The following RGL1 variants were observed in gnomAD, a reference collection of about 807,000 sequenced individuals.
The protein encoded by RGL1 is ral guanine nucleotide dissociation stimulator like 1, also known as ral guanine nucleotide dissociation stimulator-like 1.
RGL1 carries 24 observed loss-of-function variants against 95.2 expected under a neutral mutation model. The observed-to-expected ratio is 0.25, with a 90% confidence interval of 0.18 to 0.35. The LOEUF (loss-of-function observed/expected upper bound fraction) is 0.35. RGL1 is among the 10% of genes least tolerant of loss of function. The probability of loss-of-function intolerance (pLI) is 1.00; values close to 1 mark genes in which losing one functional copy is unlikely to be tolerated. For synonymous variants in RGL1, 329 were observed against 344.9 expected, an observed-to-expected ratio of 0.95 and a Z score of 0.51; for missense variants, 715 against 936.3, an observed-to-expected ratio of 0.76 and a Z score of 3.08.
intron 2 of RGL1, among the ~76,000 whole-genome samples, chr1:183,826,298 A>G (rs1662851749): frequency 6.6e-6 from 1 of 152,022 alleles, no homozygotes; most frequent in Non-Finnish European, 1.5e-5. Context: ...AAATAAACAA[A>G]TCTCAACTCC....
exon 2 of RGL1, chr1:183,742,164 G>A (rs532941774): frequency 1.9e-6 from 3 of 1,613,874 alleles, no homozygotes; most frequent in Non-Finnish European, 2.5e-6. Context: ...CAAGATGGAG[G>A]TGAAACCTGT....
At chr1:183,818,076 G>A (rs923014136) in intron 2 of RGL1, among the ~76,000 whole-genome samples, 4 of 152,148 alleles carry the variant, frequency 2.6e-5, no homozygotes, top group African/African-American at 7.2e-5. Flanking sequence ...GTGTCTGCTC[G>A]AGGGATAAAG....
intron 1 of RGL1, among the ~76,000 whole-genome samples, chr1:183,694,637 A>G (rs1654153619): frequency 6.6e-6 from 1 of 152,112 alleles, no homozygotes; most frequent in Admixed American, 6.5e-5. Flanking sequence ...TGGGTAGAGG[A>G]TTTGTGATTG....
intron 1 of RGL1, among the ~76,000 whole-genome samples, chr1:183,659,110 A>T (rs1049908204): frequency 3.3e-5 from 5 of 152,106 alleles, no homozygotes; most frequent in South Asian, 2.1e-4. Context: ...ATGGGGAAAA[A>T]ACAGAGCAGA....
In RGL1 at chr1:183,888,534, A is replaced by T; in HGVS notation, c.1012A>T (p.Asn338Tyr). 6.2e-7 allele frequency: 1 copy of T among 1,613,432 alleles called. No homozygotes were observed. Among genetic ancestry groups the T allele is most frequent in the Non-Finnish European group, 8.5e-7 (1 of 1,179,432 alleles). ...LRAIVSALQS[N>Y]SIYRLKKTWA... ...GGCCATCGTTTCGGCACTGCAGTCTAATTCCATCTATCGGTTAAAAAAGAC... is the reference window on the plus strand; with the variant it reads ...GGCCATCGTTTCGGCACTGCAGTCTTATTCCATCTATCGGTTAAAAAAGAC... The change falls in exon 8 of 18, where the codon AAT (asparagine) becomes TAT (tyrosine). Residue 338 changes from asparagine to tyrosine, a missense_variant. By Grantham distance (143) the Asn-to-Tyr change is moderately radical. Transcript: ENST00000360851.
chr1:183,771,437 G>T (rs909254972), intron 2 of RGL1, among the ~76,000 whole-genome samples: 15 of 152,110 alleles, frequency 9.9e-5, no homozygotes, highest in African/African-American at 3.4e-4. Flanking sequence ...TATGTTCACT[G>T]TCTCCTTTTT....
At chr1:183,884,495 G>A (rs1228729219) in intron 6 of RGL1, among the ~76,000 whole-genome samples, 6 of 152,132 alleles carry the variant, frequency 3.9e-5, no homozygotes, top group African/African-American at 1.4e-4. Context: ...TATCACTTTT[G>A]ACAAGGCAGT....
At chr1:183,693,861 G>C (rs992256600) in intron 1 of RGL1, among the ~76,000 whole-genome samples, 1 of 152,178 alleles carries the variant, frequency 6.6e-6, no homozygotes, top group African/African-American at 2.4e-5. Flanking sequence ...CTGATCAGAG[G>C]ACCCTTGGAA....
chr1:183,751,857 T>C (rs976917677), intron 2 of RGL1, among the ~76,000 whole-genome samples: 1 of 152,120 alleles, frequency 6.6e-6, no homozygotes, highest in African/African-American at 2.4e-5. Context: ...ACCCTGCTTA[T>C]GCTTGCTCTC....
intron 2 of RGL1, among the ~76,000 whole-genome samples, chr1:183,752,505 G>A (rs535869761): frequency 6.6e-6 from 1 of 152,224 alleles, no homozygotes; most frequent in South Asian, 2.1e-4. Context: ...GATTACAGGT[G>A]TGAGCCACTG....
At chr1:183,862,076 T>C (rs1665544068) in intron 3 of RGL1, among the ~76,000 whole-genome samples, 2 of 152,136 alleles carry the variant, frequency 1.3e-5, no homozygotes, top group African/African-American at 4.8e-5. Flanking sequence ...GCATGTTGGC[T>C]TATGCCTGTA....
intron 16 of RGL1, among the ~76,000 whole-genome samples, chr1:183,921,635 G>T (rs1281687743): frequency 6.6e-6 from 1 of 152,186 alleles, no homozygotes; most frequent in African/African-American, 2.4e-5. Context: ...TGTTGATGGA[G>T]ATTCAGATTG....
intron 2 of RGL1, among the ~76,000 whole-genome samples, chr1:183,817,633 TA>T (rs1662175896): frequency 6.6e-6 from 1 of 152,212 alleles, no homozygotes; most frequent in African/African-American, 2.4e-5. Flanking sequence ...CTTGTGGAGC[TA>T]AATGACCCTT....
chr1:183,661,411 C>T (rs1651616248), intron 1 of RGL1, among the ~76,000 whole-genome samples: 1 of 152,166 alleles, frequency 6.6e-6, no homozygotes, highest in South Asian at 2.1e-4. Context: ...AAACTACCAT[C>T]AGAGAATACT....
intron 1 of RGL1, chr1:183,648,735 A>C: frequency 6.2e-7 from 1 of 1,613,418 alleles, no homozygotes; most frequent in African/African-American, 1.3e-5. Context: ...ATATGGTTTT[A>C]CTATTGTTCC....
intron 1 of RGL1, among the ~76,000 whole-genome samples, chr1:183,732,692 T>G (rs903874935): frequency 1.4e-4 from 21 of 152,116 alleles, no homozygotes; most frequent in Admixed American, 1.3e-4. Flanking sequence ...TTGGAAAGAC[T>G]GTGATGAACA....
intron 1 of RGL1, among the ~76,000 whole-genome samples, chr1:183,667,655 T>C (rs751679859): frequency 2.0e-5 from 3 of 152,176 alleles, no homozygotes; most frequent in Non-Finnish European, 2.9e-5. Context: ...AAATTATTGG[T>C]ATTTGGATTA....
intron 1 of RGL1, among the ~76,000 whole-genome samples, chr1:183,683,412 C>T (rs1653355330): frequency 6.6e-6 from 1 of 152,108 alleles, no homozygotes; most frequent in African/African-American, 2.4e-5. Context: ...TTTATTTCTC[C>T]TTTGCTTATG....
At chr1:183,666,919 A>T (rs963717814) in intron 1 of RGL1, among the ~76,000 whole-genome samples, 11 of 152,218 alleles carry the variant, frequency 7.2e-5, no homozygotes, top group Non-Finnish European at 1.6e-4. Context: ...TGCAGGCTGT[A>T]TCTGCCCATT....
Sources: gnomAD v4.1 joint callset for allele counts (sites outside exome capture counted in the v4.1 genomes callset) on GRCh38, gnomAD v4.1.1 for gene constraint, MANE v1.5 for transcripts, NCBI Gene and HGNC (gene_info 2026-07-23, HGNC 2026-07-21) for gene names.